The following CLASP2 variants were observed in gnomAD, a reference collection of about 807,000 sequenced individuals.
The protein encoded by CLASP2 is cytoplasmic linker associated protein 2.
CLASP2 carries 47 observed loss-of-function variants against 194.4 expected under a neutral mutation model. That is an observed-to-expected ratio of 0.24 (90% CI 0.19 to 0.31). The LOEUF is 0.31. CLASP2 is among the 10% of genes least tolerant of loss of function. The pLI is 1.00. For missense variants in CLASP2, 1,445 were observed against 1,823.6 expected, an observed-to-expected ratio of 0.79 and a Z score of 3.78; for synonymous variants, 619 against 633.5, an observed-to-expected ratio of 0.98 and a Z score of 0.34.
At position 33,644,899 on chromosome 3, in the gene CLASP2, T is replaced by G; in HGVS notation, c.720A>C (p.Lys240Asn). The stretch of plus-strand genomic sequence containing the variant: ...CCACTGATTCTTCATCATCGAAGCT[T>G]TTATCTGCACAAAGCATCAGAAAAA... ...GGMILSVCKD[K>N]SFDDEESVDG... Residue 240 changes from lysine to asparagine, a missense_variant, in exon 8 of 39, where the codon AAA becomes AAC. By Grantham distance (94) the Lys-to-Asn change is moderately conservative (BLOSUM62 0). Coordinates refer to ENST00000682230, the MANE Select transcript of CLASP2 (RefSeq NM_001365631.1). 1 of 1,593,468 alleles carries G rather than the reference T, an allele frequency of 6.3e-7. No individual in the cohort carries two copies. The highest frequency in any genetic ancestry group is 8.6e-7 in the Non-Finnish European group (1 of 1,168,612).
In CLASP2 at chr3:33,553,518, A is replaced by C. The variant is rs951983960; in HGVS notation, c.3010-2123T>G. ...ATGACTCAATAGCAAGAAAACAAAT[A>C]AACTATTTAGAAAATGGGCAAAGGA... On this transcript the variant is annotated intron_variant, in intron 29 of 38. Transcript: ENST00000682230. 2.6e-5 allele frequency among the ~76,000 whole-genome samples: 4 copies of C among 152,308 alleles called. No individual in the cohort carries two copies. The South Asian group carries it at 8.3e-4, about 32-fold the overall frequency.
intron 8 of CLASP2, among the ~76,000 whole-genome samples, chr3:33,634,872 G>A (rs181287195): frequency 3.5e-4 from 53 of 152,082 alleles, no homozygotes; most frequent in African/African-American, 1.2e-3. Context: ...TACAAAAATC[G>A]ATTTCATTGC....
At chr3:33,648,489 A>T (rs1051193348) in intron 7 of CLASP2, among the ~76,000 whole-genome samples, 8 of 152,176 alleles carry the variant, frequency 5.3e-5, no homozygotes, top group Non-Finnish European at 1.5e-5. Context: ...CATATATATA[A>T]AACAAAAACT....
chr3:33,558,796 A>G (rs945122121), intron 29 of CLASP2: 1 of 155,664 alleles, frequency 6.4e-6, no homozygotes, highest in African/African-American at 2.4e-5. Context: ...CAAAACTGAC[A>G]TTTTGCCTAA....
chr3:33,688,566 C>A (rs1349503460), intron 3 of CLASP2, among the ~76,000 whole-genome samples, 198 bp from the exon 4 acceptor site: 1 of 152,172 alleles, frequency 6.6e-6, no homozygotes, highest in African/African-American at 2.4e-5. Context: ...TTACCTTAAT[C>A]ACATTTTAGT....
chr3:33,661,452 G>A (rs369341125), intron 7 of CLASP2, among the ~76,000 whole-genome samples: 2 of 152,194 alleles, frequency 1.3e-5, no homozygotes, highest in Non-Finnish European at 2.9e-5. Flanking sequence ...GAGGATATTA[G>A]CAGTGGAGAT....
chr3:33,639,060 A>C (rs1296666849), intron 8 of CLASP2, among the ~76,000 whole-genome samples: 2 of 152,180 alleles, frequency 1.3e-5, no homozygotes, highest in East Asian at 3.9e-4. Flanking sequence ...TAAACATTCC[A>C]TATGGTCCTT....
intron 34 of CLASP2, among the ~76,000 whole-genome samples, chr3:33,517,945 GA>G (rs1236779262): frequency 6.6e-6 from 1 of 152,178 alleles, no homozygotes; most frequent in Non-Finnish European, 1.5e-5. Context: ...ACCATGCCCA[GA>G]CTATCAATCT....
intron 10 of CLASP2, among the ~76,000 whole-genome samples, chr3:33,623,064 C>T (rs1241808951): frequency 6.6e-6 from 1 of 152,166 alleles, no homozygotes; most frequent in Non-Finnish European, 1.5e-5. Flanking sequence ...CCACCTTGGC[C>T]TCCCAGCAGG....
At chr3:33,610,602 C>G (rs1001078731) in intron 13 of CLASP2, among the ~76,000 whole-genome samples, 3 of 151,580 alleles carry the variant, frequency 2.0e-5, no homozygotes, top group Admixed American at 2.0e-4. Flanking sequence ...TTGGTTAAAA[C>G]TGTTCTGTAA....
intron 4 of CLASP2, 133 bp downstream of exon 4, chr3:33,688,144 G>T: frequency 1.7e-6 from 1 of 585,652 alleles, no homozygotes; most frequent in Non-Finnish European, 2.9e-6. Context: ...AACAGTAAAG[G>T]TATCAAATGA....
intron 1 of CLASP2, among the ~76,000 whole-genome samples, chr3:33,701,563 T>A (rs997238364): frequency 6.6e-6 from 1 of 152,192 alleles, no homozygotes; most frequent in East Asian, 1.9e-4. Context: ...ACCACTGCAC[T>A]CCAGCCTGGG....
chr3:33,696,282 G>T (rs2091890367), intron 2 of CLASP2, among the ~76,000 whole-genome samples: 1 of 143,518 alleles, frequency 7.0e-6, no homozygotes, highest in Non-Finnish European at 1.5e-5. Flanking sequence ...ACATGGCACT[G>T]TAAGTTATAT....
At chr3:33,649,869 T>G (rs2082891865) in intron 7 of CLASP2, among the ~76,000 whole-genome samples, 1 of 152,106 alleles carries the variant, frequency 6.6e-6, no homozygotes, top group African/African-American at 2.4e-5. Flanking sequence ...GTCCAGACAC[T>G]CAAGACCTTA....
intron 10 of CLASP2, among the ~76,000 whole-genome samples, chr3:33,624,371 G>A (rs901229908): frequency 1.3e-5 from 2 of 151,828 alleles, no homozygotes; most frequent in Non-Finnish European, 2.9e-5. Context: ...CACAAACAGA[G>A]GAGAATTTTC....
intron 6 of CLASP2, among the ~76,000 whole-genome samples, chr3:33,671,909 C>G (rs1265308172): frequency 6.6e-6 from 1 of 152,180 alleles, no homozygotes; most frequent in African/African-American, 2.4e-5. Flanking sequence ...CGCCATTGCC[C>G]AGGCTTGCTT....
In CLASP2 at chr3:33,547,645, C is replaced by T. The variant is rs1314551210; in HGVS notation, c.3154-2804G>A. On this transcript the variant is annotated intron_variant, in intron 30 of 38. Coordinates refer to ENST00000682230, the MANE Select transcript of CLASP2 (RefSeq NM_001365631.1). ...GTTTTGGTATCAGAATAAAACTGGT[C>T]TCATAGAATAAACTGGGAAGTGTTC... Among the ~76,000 whole-genome samples the T allele has an allele frequency of 2.0e-5, 3 of 152,162 alleles. No homozygotes were observed. In the East Asian group the frequency reaches 5.8e-4, roughly 29 times the overall value.
At chr3:33,573,798 T>C (rs1344028809) in intron 24 of CLASP2, among the ~76,000 whole-genome samples, 1 of 152,024 alleles carries the variant, frequency 6.6e-6, no homozygotes, top group Admixed American at 6.5e-5. Context: ...TCCATTTTTT[T>C]CTGTCTATCT....
chr3:33,683,145 C>A (rs940712954), intron 6 of CLASP2: 3 of 152,132 alleles, frequency 2.0e-5, no homozygotes. Flanking sequence ...GCTCAAGCAT[C>A]TCCCAAATAA....
Sources: allele counts gnomAD v4.1 joint callset (sites outside exome capture counted in the v4.1 genomes callset), GRCh38; gene constraint gnomAD v4.1.1; transcripts MANE v1.5; gene names NCBI Gene and HGNC (gene_info 2026-07-23, HGNC 2026-07-21).